Variants in NBEAL1 observed in about 807,000 individuals in gnomAD.
NBEAL1 encodes neurobeachin like 1, also known as neurobeachin-like protein 1.
A neutral mutation model predicts 351.3 loss-of-function variants in NBEAL1; 273 were observed. The observed-to-expected ratio is 0.78, with a 90% CI of 0.70 to 0.86. The LOEUF (loss-of-function observed/expected upper bound fraction) is 0.86, where lower values mean the gene tolerates loss of function less well. Among genes scored for constraint, NBEAL1 ranks in the 40% least tolerant of loss-of-function variants. The pLI, the probability that NBEAL1 is intolerant of heterozygous loss-of-function variation, is 0.00. For missense variants in NBEAL1, 2,961 were observed against 3,201.3 expected (o/e 0.92, Z 1.81); for synonymous variants, 1,050 against 1,086.4 (o/e 0.97, Z 0.66).
chr2:203,016,480 A>T, intron 2 of NBEAL1, 45 bp downstream of exon 2: 1 of 1,280,368 alleles, frequency 7.8e-7, no homozygotes, highest in Non-Finnish European at 1.1e-6. Context: ...ATACTTTATT[A>T]TAAAATTTGT....
intron 34 of NBEAL1, 113 bp downstream of exon 34, chr2:203,149,261 G>T: frequency 1.4e-6 from 1 of 695,720 alleles, no homozygotes; most frequent in Non-Finnish European, 2.3e-6. Context: ...ATTCATAAAA[G>T]GGTGCTTTTA....
chr2:203,044,397 A>G (rs2061193496), intron 3 of NBEAL1, among the ~76,000 whole-genome samples: 1 of 152,328 alleles, frequency 6.6e-6, no homozygotes, highest in East Asian at 1.9e-4. Flanking sequence ...TCATGGAGCT[A>G]AGAATTTTAT....
chr2:203,078,563 T>A (rs1314772628), intron 8 of NBEAL1, among the ~76,000 whole-genome samples: 1 of 152,222 alleles, frequency 6.6e-6, no homozygotes, highest in Non-Finnish European at 1.5e-5. Context: ...CGGGTCAAAC[T>A]GCTGGGCTCA....
chr2:203,213,839 T>C, intron 55 of NBEAL1, 186 bp downstream of exon 55: 1 of 963,432 alleles, frequency 1.0e-6, no homozygotes, highest in Non-Finnish European at 1.2e-6. Context: ...TATGTTATTA[T>C]TGAAAGCCCA....
At chr2:203,136,285 T>A in intron 28 of NBEAL1, 33 bp downstream of exon 28, 1 of 1,401,066 alleles carries the variant, frequency 7.1e-7, no homozygotes, top group Non-Finnish European at 9.7e-7. Context: ...ATGTTGTTTT[T>A]ATTTTCATGT....
rs1462106604 is a variant in NBEAL1 at position 203,223,148 on chromosome 2, C to T, written c.*5794C>T. ...ACGTGAGTGATTTCTAAACACATTG[C>T]AGGATTTGGACCTGTAAAGCCAGTG... is the stretch of plus-strand genomic sequence containing the variant. On this transcript the variant is annotated 3_prime_UTR_variant, in exon 56 of 56. Transcript: ENST00000683969. Among the ~76,000 whole-genome samples, 1 of 152,070 alleles carries T rather than the reference C, an allele frequency of 6.6e-6. No homozygotes were observed. The highest frequency in any genetic ancestry group is 1.5e-5 in the Non-Finnish European group (1 of 67,958).
intron 53 of NBEAL1, among the ~76,000 whole-genome samples, chr2:203,209,989 G>A (rs2065734715): frequency 2.0e-5 from 3 of 151,968 alleles, no homozygotes; most frequent in Admixed American, 6.6e-5. Flanking sequence ...GGGCTCAAGC[G>A]ATCCTCCTGC....
intron 55 of NBEAL1, chr2:203,213,902 C>A: frequency 1.9e-6 from 1 of 540,028 alleles, no homozygotes; most frequent in Non-Finnish European, 2.4e-6. Context: ...TCATTTCTTC[C>A]AAATCTAGAT....
intron 18 of NBEAL1, among the ~76,000 whole-genome samples, chr2:203,120,779 AC>A (rs1296491902): frequency 6.6e-6 from 1 of 152,324 alleles, no homozygotes; most frequent in Non-Finnish European, 1.5e-5. Flanking sequence ...AGAGTGTCAT[AC>A]CATTAGGAGA....
At chr2:203,122,145 C>G (rs2062846471) in intron 18 of NBEAL1, 109 bp from the exon 19 acceptor site, 4 of 601,132 alleles carry the variant, frequency 6.7e-6, no homozygotes, top group Non-Finnish European at 1.1e-5. Flanking sequence ...GGCATCTTAT[C>G]TTTGACTATC....
intron 10 of NBEAL1, chr2:203,086,268 T>C (rs2061959324): frequency 6.6e-6 from 1 of 152,252 alleles, no homozygotes. Context: ...TGTGTATCAC[T>C]GTGGCCACTC....
chr2:203,114,183 T>C (rs2062638583), intron 17 of NBEAL1, among the ~76,000 whole-genome samples: 1 of 152,172 alleles, frequency 6.6e-6, no homozygotes, highest in African/African-American at 2.4e-5. Flanking sequence ...GATGACTTCA[T>C]TTAATCCCAG....
rs765603835 is a variant in NBEAL1 at position 203,138,648 on chromosome 2, ACTGT to A, written c.4754_4757del (p.Leu1585GlnfsTer11). 6.2e-6 allele frequency: 10 copies of A among 1,609,260 alleles called. No individual in the cohort carries two copies. The South Asian group carries it at 7.8e-5, about 13-fold the overall frequency. ...TTAGAGGATATGATGCTGCTCTTTG[ACTGT>A]CTGTCAGTCTGCTATTCTGAAAGTC... On this transcript the variant is annotated frameshift_variant, in exon 31 of 56. Coordinates refer to ENST00000683969, the MANE Select transcript of NBEAL1 (RefSeq NM_001378026.1). LOFTEE classifies it high-confidence loss of function.
intron 12 of NBEAL1, among the ~76,000 whole-genome samples, chr2:203,105,414 G>A (rs1328840148): frequency 6.6e-6 from 1 of 151,820 alleles, no homozygotes; most frequent in Admixed American, 6.6e-5. Context: ...TGCAGGAGCT[G>A]AGATCGCGCC....
chr2:203,074,317 C>CTTTTTT (rs56217945), intron 7 of NBEAL1, among the ~76,000 whole-genome samples: 145 of 98,258 alleles, frequency 1.5e-3, no homozygotes, highest in East Asian at 3.9e-3. Context: ...TTTCTTTCTT[C>CTTTTTT]TTTTTTTTTT....
Position 203,171,920 on chromosome 2 carries a change from C to G in NBEAL1, c.6103-8C>G. 6.6e-7 allele frequency: 1 copy of G among 1,513,694 alleles called. No homozygotes were observed. Among genetic ancestry groups the G allele is most frequent in the Admixed American group, 2.1e-5 (1 of 47,644 alleles). The allele number at this position is 1,513,694 out of a possible 1,614,324, so 93.8% of individuals were successfully genotyped here. A position where few individuals can be genotyped will look rare whatever the true frequency, so the allele number is the denominator to read the frequency against. ...AATTTTGATATTGCTCTTTTTTGTG[C>G]TGTCTAGAAATGGGTAAACAGAGAG... On this transcript the variant is annotated splice_polypyrimidine_tract_variant and splice_region_variant and intron_variant, in intron 39 of 55. Transcript: ENST00000683969.
Position 203,136,208 on chromosome 2 carries a change from G to A in NBEAL1, c.4345G>A (p.Asp1449Asn), listed in dbSNP as rs2063203554. ...TGACAGAGAAAGCAGCATCACAAAT[G>A]ATATGGGCTTTAGTGATGACTTCTC... ...HSDRESSITNDMGFSDDFSLL... is the reference protein window; with the variant it reads ...HSDRESSITNNMGFSDDFSLL... Residue 1449 changes from aspartate to asparagine, a missense_variant, in exon 28 of 56, where the codon GAT (aspartate) becomes AAT (asparagine). Asp to Asn is a conservative substitution (Grantham distance 23). Coordinates refer to ENST00000683969, the MANE Select transcript of NBEAL1 (RefSeq NM_001378026.1). 6.2e-7 allele frequency: 1 copy of A among 1,607,354 alleles called. No homozygotes were observed. Among genetic ancestry groups the A allele is most frequent in the African/African-American group, 1.3e-5 (1 of 74,656 alleles).
intron 2 of NBEAL1, among the ~76,000 whole-genome samples, chr2:203,030,612 A>C (rs2060935054): frequency 6.6e-6 from 1 of 152,210 alleles, no homozygotes; most frequent in South Asian, 2.1e-4. Context: ...AAGCAAACAC[A>C]CTTAACTCTC....
chr2:203,028,207 A>G (rs1464530240), intron 2 of NBEAL1, among the ~76,000 whole-genome samples: 1 of 148,842 alleles, frequency 6.7e-6, no homozygotes, highest in Non-Finnish European at 1.5e-5. Flanking sequence ...TTTAAGAGAC[A>G]GGGTCTTGCT....
Sources: gnomAD v4.1 joint callset for allele counts (sites outside exome capture counted in the v4.1 genomes callset) on GRCh38, gnomAD v4.1.1 for gene constraint, MANE v1.5 for transcripts, NCBI Gene and HGNC (gene_info 2026-07-23, HGNC 2026-07-21) for gene names.